Variants in GRIK4 observed in about 807,000 individuals in gnomAD.
GRIK4 encodes glutamate ionotropic receptor kainate type subunit 4.
GRIK4 carries 40 observed loss-of-function variants against 104.9 expected under a neutral mutation model. The ratio of observed to expected loss-of-function variants is 0.38; its 90% CI spans 0.30 to 0.50. The LOEUF is 0.50. Ranked by LOEUF, GRIK4 falls within the 20% of genes least tolerant of loss-of-function variation. The pLI, the probability that GRIK4 is intolerant of heterozygous loss-of-function variation, is 0.93. For missense variants in GRIK4, 1,047 were observed against 1,308.1 expected, an observed-to-expected ratio of 0.80 and a Z score of 3.08; for synonymous variants, 485 against 524.9, an observed-to-expected ratio of 0.92 and a Z score of 1.04.
At chr11:120,858,873 T>C (rs1954188846) in intron 8 of GRIK4, 4 of 152,214 alleles carry the variant, frequency 2.6e-5, no homozygotes, top group African/African-American at 9.6e-5. Flanking sequence ...TACTAGAACC[T>C]TAGAGTGTCG....
rs1750067201 is a variant in GRIK4, at chr11:120,987,526, G to T, written c.*1266G>T. On this transcript the variant is annotated 3_prime_UTR_variant, in exon 21 of 21. Coordinates refer to ENST00000527524, the MANE Select transcript of GRIK4 (RefSeq NM_014619.5). Reference sequence around the variant, plus strand: ...CCTTAAGTATTCAAGAATTTGCTAGGTTCCTGGGAGAGAGGTGGAGTCTCC... The same window carrying T: ...CCTTAAGTATTCAAGAATTTGCTAGTTTCCTGGGAGAGAGGTGGAGTCTCC... The T allele has an allele frequency of 6.6e-6, 1 of 152,248 alleles. No homozygotes were observed. The highest frequency in any genetic ancestry group is 2.4e-5 in the African/African-American group (1 of 41,454). The allele number at this position is 152,248 out of a possible 1,614,324, so 9.4% of individuals were successfully genotyped here.
intron 19 of GRIK4, among the ~76,000 whole-genome samples, chr11:120,971,015 G>A (rs1029103007): frequency 2.6e-5 from 4 of 152,188 alleles, no homozygotes; most frequent in African/African-American, 4.8e-5. Flanking sequence ...TCCCAGGGCT[G>A]TTGCGAAGGT....
intron 9 of GRIK4, chr11:120,870,729 GT>G (rs66533545): frequency 0.34 from 48,292 of 142,346 alleles, 8,322 homozygotes; most frequent in African/African-American, 0.47. Flanking sequence ...CAGATGAGTG[GT>G]TTTTTTTTTT....
intron 1 of GRIK4, among the ~76,000 whole-genome samples, chr11:120,607,648 G>A (rs1457095585): frequency 6.6e-6 from 1 of 152,172 alleles, no homozygotes; most frequent in East Asian, 1.9e-4. Context: ...GCACCCAGCA[G>A]GAAGTTGATT....
At chr11:120,963,790 G>C (rs755328888) in intron 18 of GRIK4, among the ~76,000 whole-genome samples, 2 of 152,104 alleles carry the variant, frequency 1.3e-5, no homozygotes, top group Admixed American at 6.5e-5. Context: ...TGGTACCTTA[G>C]ATGCATTCTT....
chr11:120,850,524 A>T (rs1046776798), intron 8 of GRIK4, among the ~76,000 whole-genome samples: 2 of 152,202 alleles, frequency 1.3e-5, no homozygotes, highest in African/African-American at 2.4e-5. Context: ...CATGCAAATG[A>T]TAAACTCTGT....
intron 3 of GRIK4, among the ~76,000 whole-genome samples, chr11:120,783,970 G>T (rs1381407053): frequency 6.6e-6 from 1 of 152,156 alleles, no homozygotes; most frequent in Admixed American, 6.5e-5. Context: ...GTGTTACGGA[G>T]GTCCCAGCCT....
intron 9 of GRIK4, chr11:120,872,326 T>G (rs1464927267): frequency 4.7e-6 from 1 of 211,822 alleles, no homozygotes; most frequent in East Asian, 1.2e-4. Context: ...TTAAGCTCTT[T>G]CCTCGACACC....
chr11:120,562,629 G>GA (rs1373209895), intron 1 of GRIK4, among the ~76,000 whole-genome samples: 2 of 152,184 alleles, frequency 1.3e-5, no homozygotes, highest in African/African-American at 4.8e-5. Flanking sequence ...GGTACAAGGG[G>GA]AGAGAAGAAG....
intron 8 of GRIK4, among the ~76,000 whole-genome samples, chr11:120,853,160 C>T (rs1284404390): frequency 6.6e-6 from 1 of 152,000 alleles, no homozygotes; most frequent in Non-Finnish European, 1.5e-5. Context: ...GTAAAGGGGG[C>T]ATGATTGAGT....
At chr11:120,897,577 G>A (rs1942614731) in intron 11 of GRIK4, among the ~76,000 whole-genome samples, 1 of 59,292 alleles carries the variant, frequency 1.7e-5, no homozygotes, top group Non-Finnish European at 3.3e-5. Flanking sequence ...ACTCTAGCCT[G>A]GGTGACAGAA....
intron 3 of GRIK4, among the ~76,000 whole-genome samples, chr11:120,689,169 C>G (rs1363242886): frequency 6.6e-5 from 10 of 152,084 alleles, no homozygotes; most frequent in Admixed American, 6.5e-4. Context: ...AGGAATAGTG[C>G]TGCTACAATA....
At chr11:120,563,901 C>A (rs1226128891) in intron 1 of GRIK4, among the ~76,000 whole-genome samples, 2 of 152,224 alleles carry the variant, frequency 1.3e-5, no homozygotes, top group South Asian at 4.1e-4. Context: ...GCACAGTCAC[C>A]GTCTGGGCCC....
chr11:120,527,147 G>T (rs1947865615), intron 1 of GRIK4, among the ~76,000 whole-genome samples: 2 of 152,246 alleles, frequency 1.3e-5, no homozygotes, highest in Non-Finnish European at 2.9e-5. Flanking sequence ...GGATGCAAAG[G>T]CAGGTGGGGT....
At chr11:120,637,523 A>G (rs371499913) in intron 1 of GRIK4, among the ~76,000 whole-genome samples, 2 of 152,184 alleles carry the variant, frequency 1.3e-5, no homozygotes, top group African/African-American at 2.4e-5. Context: ...GAGCGCCTGG[A>G]TACGTAAAGC....
chr11:120,527,431 G>A (rs182585931), intron 1 of GRIK4, among the ~76,000 whole-genome samples: 41 of 152,314 alleles, frequency 2.7e-4, no homozygotes, highest in African/African-American at 9.4e-4. Context: ...GACCCCTGCC[G>A]GTGAGAGAGG....
chr11:120,539,432 A>G (rs978248806), intron 1 of GRIK4, among the ~76,000 whole-genome samples: 2 of 152,208 alleles, frequency 1.3e-5, no homozygotes, highest in East Asian at 3.9e-4. Context: ...TGCGAACATG[A>G]TCTTATTTGC....
intron 1 of GRIK4, among the ~76,000 whole-genome samples, chr11:120,537,339 G>A (rs1947988075): frequency 6.6e-6 from 1 of 152,164 alleles, no homozygotes; most frequent in Non-Finnish European, 1.5e-5. Context: ...GTCAGAGGCG[G>A]AAACTCAGAG....
At chr11:120,542,564 G>A (rs1327896738) in intron 1 of GRIK4, among the ~76,000 whole-genome samples, 1 of 152,042 alleles carries the variant, frequency 6.6e-6, no homozygotes. Flanking sequence ...ATTTGATAAG[G>A]GATTAACATC....
Sources: gnomAD v4.1 joint callset for allele counts (sites outside exome capture counted in the v4.1 genomes callset) on GRCh38, gnomAD v4.1.1 for gene constraint, MANE v1.5 for transcripts, NCBI Gene and HGNC (gene_info 2026-07-23, HGNC 2026-07-21) for gene names.